CFAP53: variants seen among roughly 807,000 people sequenced by gnomAD.
CFAP53 encodes the protein cilia- and flagella-associated protein 53.
In CFAP53, 62 loss-of-function variants were observed where a neutral mutation model predicts 59.7. The observed-to-expected ratio is 1.04, with a 90% CI of 0.85 to 1.28. The LOEUF (loss-of-function observed/expected upper bound fraction) is 1.28. CFAP53 is among the 50% of genes most tolerant of loss of function. The pLI is 0.00. For synonymous variants in CFAP53, 218 were observed against 205.7 expected (o/e 1.06, Z -0.51); for missense variants, 629 against 615.6 (o/e 1.02, Z -0.23).
chr18:50,262,463 G>C (rs575757730), intron 1 of CFAP53, among the ~76,000 whole-genome samples: 1 of 152,284 alleles, frequency 6.6e-6, no homozygotes, highest in African/African-American at 2.4e-5. Flanking sequence ...AAAAATAGTT[G>C]ATGGAAATTA....
chr18:50,257,859 G>A (rs564848356), intron 3 of CFAP53, among the ~76,000 whole-genome samples: 17 of 152,178 alleles, frequency 1.1e-4, no homozygotes, highest in East Asian at 5.8e-4. Flanking sequence ...GGGAAACCCC[G>A]TCTCTATTAA....
intron 1 of CFAP53, among the ~76,000 whole-genome samples, chr18:50,264,984 G>C (rs12454552): frequency 0.65 from 98,424 of 151,610 alleles, 32,474 homozygotes; most frequent in East Asian, 0.79. Flanking sequence ...TAAAGAAGGA[G>C]CAGGTCTATA....
intron 3 of CFAP53, among the ~76,000 whole-genome samples, chr18:50,255,787 A>G (rs889677049): frequency 3.9e-5 from 6 of 152,132 alleles, no homozygotes; most frequent in Non-Finnish European, 8.8e-5. Flanking sequence ...AGATTTATTC[A>G]TAAGAGTCCC....
intron 5 of CFAP53, among the ~76,000 whole-genome samples, chr18:50,248,878 A>C (rs1244642501): frequency 6.6e-6 from 1 of 152,098 alleles, no homozygotes; most frequent in East Asian, 1.9e-4. Flanking sequence ...ATAACCTGGA[A>C]ACAACTCAAA....
intron 5 of CFAP53, among the ~76,000 whole-genome samples, chr18:50,243,786 C>T (rs536453336): frequency 1.2e-4 from 18 of 152,098 alleles, no homozygotes; most frequent in African/African-American, 3.6e-4. Flanking sequence ...CCCGTCTCTA[C>T]TAAAAATACA....
At chr18:50,262,318 T>C (rs1216526398) in intron 1 of CFAP53, 99 bp from the exon 2 acceptor site, 1 of 1,005,382 alleles carries the variant, frequency 9.9e-7, no homozygotes, top group Non-Finnish European at 1.5e-6. Context: ...CTAAATAAAA[T>C]TGGGTATAAA....
At chr18:50,242,357 T>C (rs909242762) in intron 6 of CFAP53, among the ~76,000 whole-genome samples, 2 of 152,202 alleles carry the variant, frequency 1.3e-5, no homozygotes, top group African/African-American at 4.8e-5. Flanking sequence ...AAAGTATTAA[T>C]TTTGAGAACT....
At chr18:50,243,243 G>T (rs2033710592) in intron 5 of CFAP53, 127 bp from the exon 6 acceptor site, 2 of 669,614 alleles carry the variant, frequency 3.0e-6, no homozygotes, top group Non-Finnish European at 5.1e-6. Context: ...AACATTTACA[G>T]ATGTATGTCT....
intron 5 of CFAP53, among the ~76,000 whole-genome samples, chr18:50,244,028 T>C (rs2033718978): frequency 6.6e-6 from 1 of 152,158 alleles, no homozygotes; most frequent in African/African-American, 2.4e-5. Flanking sequence ...TGGATACCTT[T>C]TACGTTCCCC....
chr18:50,255,339 C>T (rs938167268), intron 3 of CFAP53, among the ~76,000 whole-genome samples: 8 of 152,070 alleles, frequency 5.3e-5, no homozygotes, highest in Admixed American at 1.3e-4. Context: ...GAGATTTTTG[C>T]AGTGATGGAA....
chr18:50,251,006 A>G lies in CFAP53; in HGVS notation c.778-30T>C, dbSNP rs776134555. 6.7e-5 allele frequency: 106 copies of G among 1,574,618 alleles called. No homozygotes were observed. In the South Asian group the frequency reaches 1.1e-3, roughly 17 times the overall value. ...GGTAGAATCATAATAAAGATAATGC[A>G]TCAGTACAGTTGGACAAGACAAGTT... is the stretch of plus-strand genomic sequence containing the variant. On this transcript the variant is annotated intron_variant, in intron 4 of 7. Transcript: ENST00000398545.
intron 7 of CFAP53, among the ~76,000 whole-genome samples, chr18:50,231,766 GC>G (rs1255220391): frequency 2.0e-5 from 3 of 152,208 alleles, no homozygotes; most frequent in Non-Finnish European, 2.9e-5. Context: ...GATGCGACTG[GC>G]AGCAGAAGCT....
intron 1 of CFAP53, among the ~76,000 whole-genome samples, chr18:50,264,488 T>C (rs2033919810): frequency 6.6e-6 from 1 of 152,226 alleles, no homozygotes; most frequent in African/African-American, 2.4e-5. Flanking sequence ...AATGGATTCC[T>C]AGGAGACACT....
intron 7 of CFAP53, among the ~76,000 whole-genome samples, chr18:50,236,110 C>A (rs2033630549): frequency 6.6e-6 from 1 of 152,190 alleles, no homozygotes; most frequent in Non-Finnish European, 1.5e-5. Context: ...TGCTTAACAT[C>A]AAATGTTTCG....
At position 50,251,635 on chromosome 18, in the gene CFAP53, T is replaced by C. The variant is rs750567494; in HGVS notation, c.623A>G (p.Asp208Gly). The C allele has an allele frequency of 2.5e-6, 4 of 1,614,210 alleles. No homozygotes were observed. Among genetic ancestry groups the C allele is most frequent in the South Asian group, 2.2e-5 (2 of 91,080 alleles). Residue 208 changes from aspartate to glycine, a missense_variant, in exon 4 of 8, where the codon GAC becomes GGC. Transcript: ENST00000398545. ...TTCTCGCTTTTCCTTGGCTAATCGGTCTTCCTCCCAGAGTTTGGAGAACAT... is the reference window on the plus strand; with the variant it reads ...TTCTCGCTTTTCCTTGGCTAATCGGCCTTCCTCCCAGAGTTTGGAGAACAT... ...EQMFSKLWEE[D>G]RLAKEKREAQ...
At chr18:50,263,955 T>C (rs928361406) in intron 1 of CFAP53, among the ~76,000 whole-genome samples, 1 of 152,238 alleles carries the variant, frequency 6.6e-6, no homozygotes, top group Non-Finnish European at 1.5e-5. Flanking sequence ...AAAAAGGTGA[T>C]GCCAATCCCA....
intron 3 of CFAP53, among the ~76,000 whole-genome samples, chr18:50,254,872 C>T (rs555648992): frequency 6.6e-6 from 1 of 152,284 alleles, no homozygotes; most frequent in East Asian, 1.9e-4. Context: ...GCCTGGGCAA[C>T]AAGAGTGAAA....
rs1365102223 is a variant in CFAP53 at position 50,227,541 on chromosome 18, TGG to T, written c.1383_1384del (p.Gln462ArgfsTer12). 6.2e-7 allele frequency: 1 copy of T among 1,614,092 alleles called. No individual in the cohort carries two copies. The highest frequency in any genetic ancestry group is 8.5e-7 in the Non-Finnish European group (1 of 1,180,046). ...GCGTTTCTCTTCCTTCTCTGCTTCT[TGG>T]GACTGCTGCTGGTAGGCGATTTGCA... On this transcript the variant is annotated frameshift_variant, in exon 8 of 8. Coordinates refer to ENST00000398545, the MANE Select transcript of CFAP53 (RefSeq NM_145020.5). LOFTEE classifies it low-confidence loss of function (END_TRUNC).
intron 2 of CFAP53, 89 bp downstream of exon 2, chr18:50,261,901 C>G (rs1320569485): frequency 1.4e-5 from 13 of 959,176 alleles, no homozygotes; most frequent in Non-Finnish European, 2.2e-5. Flanking sequence ...CAGCCATGAT[C>G]CTTGCTAAAT....
Sources: allele counts gnomAD v4.1 joint callset (sites outside exome capture counted in the v4.1 genomes callset), GRCh38; gene constraint gnomAD v4.1.1; transcripts MANE v1.5; gene names NCBI Gene and HGNC (gene_info 2026-07-23, HGNC 2026-07-21).